BRINP3: variants seen among roughly 807,000 people sequenced by gnomAD.
BRINP3 encodes the protein BMP/retinoic acid inducible neural specific 3.
A neutral mutation model predicts 71.0 loss-of-function variants in BRINP3; 19 were observed. The observed-to-expected ratio is 0.27, with a 90% CI of 0.19 to 0.39. The LOEUF (loss-of-function observed/expected upper bound fraction) is 0.39. Ranked by LOEUF, BRINP3 falls within the 10% of genes least tolerant of loss-of-function variation. The probability of loss-of-function intolerance (pLI) is 1.00; values close to 1 mark genes in which losing one functional copy is unlikely to be tolerated. For missense variants in BRINP3, 959 were observed against 940.8 expected, an observed-to-expected ratio of 1.02 and a Z score of -0.25; for synonymous variants, 380 against 337.7, an observed-to-expected ratio of 1.13 and a Z score of -1.37.
intron 2 of BRINP3, among the ~76,000 whole-genome samples, chr1:190,418,238 G>T (rs931872664): frequency 6.6e-6 from 1 of 151,980 alleles, no homozygotes; most frequent in Non-Finnish European, 1.5e-5. Flanking sequence ...TTTTTGTAGA[G>T]ACAGGGTTTC....
chr1:190,448,463 TTGTGTGTG>T (rs67524700), intron 2 of BRINP3, among the ~76,000 whole-genome samples: 24 of 125,060 alleles, frequency 1.9e-4, no homozygotes, highest in Non-Finnish European at 3.7e-4. Context: ...CACTTGGGGT[TTGTGTGTG>T]TGTGTGTGTG....
At chr1:190,367,148 G>A (rs972308456) in intron 2 of BRINP3, among the ~76,000 whole-genome samples, 11 of 152,162 alleles carry the variant, frequency 7.2e-5, no homozygotes, top group Admixed American at 2.0e-4. Flanking sequence ...GAGGTTCTCC[G>A]TGAGCATTCC....
intron 1 of BRINP3, among the ~76,000 whole-genome samples, chr1:190,461,920 A>G (rs1439463015): frequency 6.6e-6 from 1 of 152,036 alleles, no homozygotes; most frequent in Non-Finnish European, 1.5e-5. Context: ...CTTTAATTTT[A>G]ATTTTGATTT....
chr1:190,429,857 G>T (rs893356471), intron 2 of BRINP3, among the ~76,000 whole-genome samples: 2 of 152,054 alleles, frequency 1.3e-5, no homozygotes, highest in African/African-American at 4.8e-5. Context: ...GCCTCCCAAA[G>T]TGCTGGGATT....
chr1:190,436,742 A>G lies in BRINP3; in HGVS notation c.236+17913T>C, dbSNP rs139143742. On this transcript the variant is annotated intron_variant, in intron 2 of 7. Transcript: ENST00000367462. The stretch of plus-strand genomic sequence containing the variant: ...CAAGCAAATAGAATCATGAGACTCA[A>G]TTGACTCAATTGACCATAGCTGAAA... 5.5e-3 allele frequency among the ~76,000 whole-genome samples: 828 copies of G among 151,896 alleles called. 5 individuals are homozygous for G. Among genetic ancestry groups the G allele is most frequent in the African/African-American group, 0.018 (765 of 41,536 alleles).
chr1:190,397,704 T>C (rs1671667557), intron 2 of BRINP3, among the ~76,000 whole-genome samples: 1 of 152,016 alleles, frequency 6.6e-6, no homozygotes, highest in Admixed American at 6.6e-5. Flanking sequence ...GGAGTTTGAA[T>C]ACAGGAGGTG....
At chr1:190,157,338 C>T (rs746741073) in intron 7 of BRINP3, among the ~76,000 whole-genome samples, 2 of 151,966 alleles carry the variant, frequency 1.3e-5, no homozygotes, top group African/African-American at 2.4e-5. Flanking sequence ...ACTGGACCCA[C>T]GCAGTTCAAA....
intron 7 of BRINP3, among the ~76,000 whole-genome samples, chr1:190,100,790 AT>A (rs1651634917): frequency 6.6e-6 from 1 of 152,218 alleles, no homozygotes. Flanking sequence ...ATTATTTCTT[AT>A]ACTGAAAATC....
intron 6 of BRINP3, among the ~76,000 whole-genome samples, chr1:190,173,302 TGTAC>T (rs1652192002): frequency 6.6e-6 from 1 of 152,166 alleles, no homozygotes; most frequent in Admixed American, 6.6e-5. Context: ...AGCAAGAATC[TGTAC>T]GTGGGGGAAG....
At chr1:190,107,953 T>C (rs1407767902) in intron 7 of BRINP3, among the ~76,000 whole-genome samples, 1 of 152,064 alleles carries the variant, frequency 6.6e-6, no homozygotes, top group African/African-American at 2.4e-5. Flanking sequence ...AATAACAATA[T>C]GGCCTTCTAG....
rs11421241 is a variant in BRINP3, at chr1:190,282,248, CT to C, written c.237-499del. Reference sequence around the variant, plus strand: ...CAACAAAAAAGAAATCAGTTTTCTTCTTTTTTTTTTTAATAATCATGGTTTA... The same window carrying C: ...CAACAAAAAAGAAATCAGTTTTCTTCTTTTTTTTTTAATAATCATGGTTTA... On this transcript the variant is annotated intron_variant, in intron 2 of 7. Coordinates refer to ENST00000367462, the MANE Select transcript of BRINP3 (RefSeq NM_199051.3). Among the ~76,000 whole-genome samples, 190 of 144,500 alleles carry C rather than the reference CT, an allele frequency of 1.3e-3. 1 individual carries two copies. The highest frequency in any genetic ancestry group is 1.3e-3 in the African/African-American group (52 of 39,818). The allele number at this position is 144,500 out of a possible 152,430, so 94.8% of individuals were successfully genotyped here.
intron 2 of BRINP3, among the ~76,000 whole-genome samples, chr1:190,440,099 A>T (rs1391094254): frequency 1.3e-5 from 2 of 152,122 alleles, no homozygotes; most frequent in East Asian, 3.9e-4. Flanking sequence ...CGATTATAGG[A>T]AACAGCTATT....
chr1:190,436,780 G>A (rs1471146436), intron 2 of BRINP3, among the ~76,000 whole-genome samples: 10 of 151,698 alleles, frequency 6.6e-5, no homozygotes, highest in East Asian at 1.9e-4. Context: ...AAGCAGATAA[G>A]TTAATCTGAA....
At chr1:190,157,615 CT>C (rs1410346714) in intron 7 of BRINP3, among the ~76,000 whole-genome samples, 1 of 152,008 alleles carries the variant, frequency 6.6e-6, no homozygotes, top group African/African-American at 2.4e-5. Flanking sequence ...TTTCAAATTG[CT>C]TTTAACCTAC....
intron 2 of BRINP3, among the ~76,000 whole-genome samples, chr1:190,297,076 C>A (rs1664303885): frequency 6.6e-6 from 1 of 151,686 alleles, no homozygotes; most frequent in Admixed American, 6.6e-5. Flanking sequence ...TGTAAAATCA[C>A]AAAAGACTTA....
chr1:190,328,425 ATACCTC>A (rs1195215585), intron 2 of BRINP3, among the ~76,000 whole-genome samples: 1 of 152,106 alleles, frequency 6.6e-6, no homozygotes, highest in Non-Finnish European at 1.5e-5. Flanking sequence ...ACTATTATGA[ATACCTC>A]TACACTCAGA....
chr1:190,270,432 G>A (rs1048374535), intron 3 of BRINP3, among the ~76,000 whole-genome samples: 1 of 151,518 alleles, frequency 6.6e-6, no homozygotes, highest in Non-Finnish European at 1.5e-5. Context: ...TATCATGTTT[G>A]TAAAAATAAG....
chr1:190,303,942 T>C (rs1323443687), intron 2 of BRINP3, among the ~76,000 whole-genome samples: 1 of 151,638 alleles, frequency 6.6e-6, no homozygotes, highest in Non-Finnish European at 1.5e-5. Flanking sequence ...TAATTTATTT[T>C]TTCCATTAGG....
In BRINP3 at chr1:190,160,675, T is replaced by G; in HGVS notation, c.1177A>C (p.Arg393=). The G allele has an allele frequency of 6.2e-7, 1 of 1,611,986 alleles. No homozygotes were observed. Among genetic ancestry groups the G allele is most frequent in the Non-Finnish European group, 8.5e-7 (1 of 1,179,070 alleles). ...CHKQPLISLP[R]QRTSTYWLTR... is the part of the protein sequence containing the mutation. ...TTACCACAAATGTCTTACCTTTGTCTTGGCAGGCTGATGAGGGGTTGTTTA... is the reference window on the plus strand; with the variant it reads ...TTACCACAAATGTCTTACCTTTGTCGTGGCAGGCTGATGAGGGGTTGTTTA... Residue 393 remains arginine (R), a synonymous_variant, in exon 7 of 8, where the codon AGA becomes CGA. Transcript: ENST00000367462.
Sources: gnomAD v4.1 joint callset for allele counts (sites outside exome capture counted in the v4.1 genomes callset) on GRCh38, gnomAD v4.1.1 for gene constraint, MANE v1.5 for transcripts, NCBI Gene and HGNC (gene_info 2026-07-23, HGNC 2026-07-21) for gene names.